PRKN: variants seen among roughly 807,000 people sequenced by gnomAD.
PRKN encodes parkin RBR E3 ubiquitin protein ligase.
In PRKN, 56 loss-of-function variants were observed where a neutral mutation model predicts 59.5. The observed-to-expected ratio is 0.94, with a 90% confidence interval of 0.76 to 1.18. The LOEUF is 1.18. Ranked by LOEUF, PRKN falls within the 50% of genes most tolerant of loss-of-function variation. PRKN has a pLI of 0.00. For synonymous variants in PRKN, 250 were observed against 222.1 expected (o/e 1.13, Z -1.12); for missense variants, 657 against 596.4 (o/e 1.10, Z -1.06).
At chr6:161,504,819 C>G (rs1489712673) in intron 9 of PRKN, among the ~76,000 whole-genome samples, 6 of 151,074 alleles carry the variant, frequency 4.0e-5, no homozygotes, top group Non-Finnish European at 8.8e-5. Flanking sequence ...ATGATGATTT[C>G]CAATTTCATC....
intron 2 of PRKN, 101 bp downstream of exon 2, chr6:162,443,209 T>A (rs1790143261): frequency 8.2e-7 from 1 of 1,220,680 alleles, no homozygotes; most frequent in African/African-American, 1.5e-5. Context: ...AGGCACTATT[T>A]ATTCTATTAG....
At chr6:162,024,192 C>CA (rs1783326006) in intron 5 of PRKN, among the ~76,000 whole-genome samples, 1 of 104,760 alleles carries the variant, frequency 9.5e-6, no homozygotes, top group Non-Finnish European at 1.8e-5. Flanking sequence ...CCTCCCCCAA[C>CA]CCTTTTTTTT....
intron 6 of PRKN, among the ~76,000 whole-genome samples, chr6:161,834,710 A>G (rs185385343): frequency 9.2e-4 from 140 of 152,246 alleles, no homozygotes; most frequent in Non-Finnish European, 1.6e-3. Flanking sequence ...TGATATCCAC[A>G]GGCAGAACAG....
Position 161,414,288 on chromosome 6 carries a change from T to A in PRKN, c.1084-27411A>T, listed in dbSNP as rs62435937. 0.082 allele frequency among the ~76,000 whole-genome samples: 12,536 copies of A among 152,176 alleles called. 595 individuals carry two copies. Among genetic ancestry groups the A allele is most frequent in the Admixed American group, 0.13 (1,939 of 15,284 alleles). ...CGGAAGGCTGGAGGGTGTTCAGCGT[T>A]GTTTGTCACAGGCAGCGGCCAGTCT... On this transcript the variant is annotated intron_variant, in intron 9 of 11. Coordinates refer to ENST00000366898, the MANE Select transcript of PRKN (RefSeq NM_004562.3). This position sits in a 1 kb window ranked among gnomAD's most constrained non-coding sequence, Gnocchi z 5.3.
chr6:162,453,107 C>T (rs1375296083), intron 1 of PRKN, among the ~76,000 whole-genome samples: 1 of 152,114 alleles, frequency 6.6e-6, no homozygotes, highest in Non-Finnish European at 1.5e-5. Flanking sequence ...AAGAGGTGCC[C>T]GGTACTGCAT....
chr6:162,550,833 T>C (rs1779306339), intron 1 of PRKN, among the ~76,000 whole-genome samples: 1 of 152,158 alleles, frequency 6.6e-6, no homozygotes, highest in Non-Finnish European at 1.5e-5. Context: ...GCTGCGACGG[T>C]GCCATGTCAC....
At chr6:161,841,705 T>A (rs1028580249) in intron 6 of PRKN, among the ~76,000 whole-genome samples, 1 of 152,192 alleles carries the variant, frequency 6.6e-6, no homozygotes, top group African/African-American at 2.4e-5. Context: ...AAGATCTGGC[T>A]AAGTTGGTTT....
chr6:162,717,565 CA>C (rs34053908), intron 1 of PRKN, among the ~76,000 whole-genome samples: 49,138 of 117,472 alleles, frequency 0.42, 9,002 homozygotes, highest in East Asian at 0.61. Context: ...GATCTTGTCT[CA>C]AAAAAAAAAA....
chr6:161,680,767 A>ATT (rs1562604052), intron 7 of PRKN, among the ~76,000 whole-genome samples: 3 of 12,240 alleles, frequency 2.5e-4, no homozygotes, highest in Non-Finnish European at 5.2e-4. Flanking sequence ...ATATATATAT[A>ATT]TATATATATT....
intron 1 of PRKN, among the ~76,000 whole-genome samples, chr6:162,470,067 T>A (rs78828235): frequency 0.019 from 2,847 of 152,182 alleles, 87 homozygotes; most frequent in South Asian, 0.066. Context: ...TGACTATCAG[T>A]GCTGTCCTGC....
intron 7 of PRKN, among the ~76,000 whole-genome samples, chr6:161,620,232 C>T (rs945427331): frequency 5.3e-5 from 8 of 150,986 alleles, no homozygotes; most frequent in African/African-American, 1.7e-4. Flanking sequence ...GAACTCCTGA[C>T]CTCAGGTGAT....
chr6:162,077,833 C>T (rs1407442962), intron 4 of PRKN, among the ~76,000 whole-genome samples: 1 of 151,662 alleles, frequency 6.6e-6, no homozygotes, highest in East Asian at 1.9e-4. Context: ...AACCCTGTCT[C>T]TACTAAAAAT....
intron 1 of PRKN, among the ~76,000 whole-genome samples, chr6:162,593,104 T>C (rs138585080): frequency 1.8e-4 from 28 of 152,268 alleles, no homozygotes; most frequent in African/African-American, 9.6e-5. Context: ...ACTGTCTGAA[T>C]GTGGAAAGCA....
intron 1 of PRKN, among the ~76,000 whole-genome samples, chr6:162,653,454 ATCT>A (rs1413397739): frequency 3.9e-5 from 6 of 152,194 alleles, no homozygotes; most frequent in African/African-American, 1.2e-4. Flanking sequence ...GTTGCAAATA[ATCT>A]TCTCATAGAA....
chr6:161,834,782 G>C (rs748334937), intron 6 of PRKN, among the ~76,000 whole-genome samples: 4 of 152,214 alleles, frequency 2.6e-5, no homozygotes, highest in Non-Finnish European at 5.9e-5. Context: ...TCTCAGGGTG[G>C]CTGCGATGGG....
intron 7 of PRKN, among the ~76,000 whole-genome samples, chr6:161,767,330 G>A (rs921386158): frequency 6.6e-5 from 10 of 152,128 alleles, no homozygotes; most frequent in Admixed American, 2.6e-4. Context: ...TGGCTAACAC[G>A]GTGAAACGCC....
At chr6:161,962,622 C>T (rs139022142) in intron 6 of PRKN, among the ~76,000 whole-genome samples, 1,748 of 151,650 alleles carry the variant, frequency 0.012, 26 homozygotes, top group African/African-American at 0.04. Flanking sequence ...CTGCAACCTC[C>T]ACCTCCCAGG....
intron 9 of PRKN, among the ~76,000 whole-genome samples, chr6:161,513,734 T>A (rs1462238317): frequency 6.6e-6 from 1 of 152,046 alleles, no homozygotes; most frequent in Non-Finnish European, 1.5e-5. Context: ...AGAATGACTT[T>A]CCCCTGTAAG....
At chr6:161,655,442 G>C (rs1248459244) in intron 7 of PRKN, among the ~76,000 whole-genome samples, 1 of 151,916 alleles carries the variant, frequency 6.6e-6, no homozygotes, top group Non-Finnish European at 1.5e-5. Context: ...ATTGGCACGG[G>C]CCTGGCCCCT....
Sources: gnomAD v4.1 joint callset for allele counts (sites outside exome capture counted in the v4.1 genomes callset) on GRCh38, gnomAD v4.1.1 for gene constraint, Gnocchi (gnomAD v3.1) non-coding constraint, MANE v1.5 for transcripts, NCBI Gene and HGNC (gene_info 2026-07-23, HGNC 2026-07-21) for gene names.